The following MYSM1 variants were observed in gnomAD, a reference collection of about 807,000 sequenced individuals.
MYSM1 encodes deubiquitinase MYSM1.
A neutral mutation model predicts 116.0 loss-of-function variants in MYSM1; 51 were observed. The observed-to-expected ratio is 0.44, with a 90% CI of 0.35 to 0.56. The LOEUF is 0.56. MYSM1 is among the 20% of genes least tolerant of loss of function. The probability of loss-of-function intolerance (pLI) is 0.00; values close to 1 mark genes in which losing one functional copy is unlikely to be tolerated. For missense variants in MYSM1, 900 were observed against 974.9 expected, an observed-to-expected ratio of 0.92 and a Z score of 1.02; for synonymous variants, 313 against 315.2, an observed-to-expected ratio of 0.99 and a Z score of 0.07.
chr1:58,674,865 T>G (rs1042445937), intron 10 of MYSM1, among the ~76,000 whole-genome samples: 2 of 148,496 alleles, frequency 1.3e-5, no homozygotes, highest in African/African-American at 5.0e-5. Flanking sequence ...AGATGGAGCT[T>G]GCAGTGAGCC....
In MYSM1 at chr1:58,656,643, C is replaced by A. The variant is rs530792981; in HGVS notation, c.*3354G>T. 4 of 152,270 alleles carry A rather than the reference C, an allele frequency of 2.6e-5. No individual in the cohort carries two copies. The highest frequency in any genetic ancestry group is 2.0e-4 in the Admixed American group (3 of 15,290). The allele number at this position is 152,270 out of a possible 1,614,324, so 9.4% of individuals were successfully genotyped here. ...AAGTTCAAGTCTATAGATCTATAAC[C>A]GTGGAAACTGCAGTGCTCCTGGATG... On this transcript the variant is annotated 3_prime_UTR_variant, in exon 20 of 20. Coordinates refer to ENST00000472487, the MANE Select transcript of MYSM1 (RefSeq NM_001085487.3).
At position 58,682,289 on chromosome 1, in the gene MYSM1, C is replaced by T; in HGVS notation, c.755G>A (p.Ser252Asn). 3.1e-6 allele frequency: 5 copies of T among 1,611,454 alleles called. No homozygotes were observed. Among genetic ancestry groups the T allele is most frequent in the Non-Finnish European group, 4.2e-6 (5 of 1,178,054 alleles). ...SSDLLLDFPN[S>N]KMHETNQGEF... ...TCCTTGATTGGTTTCATGCATTTTA[C>T]TATTAGGAAAGTCTAACAAGAGATC... Residue 252 changes from serine to asparagine, a missense_variant, in exon 8 of 20, where the codon AGT (serine) becomes AAT (asparagine). By Grantham distance (46) the Ser-to-Asn change is conservative. Coordinates refer to ENST00000472487, the MANE Select transcript of MYSM1 (RefSeq NM_001085487.3).
chr1:58,660,147 C>T lies in MYSM1; in HGVS notation c.2337G>A (p.Glu779=), dbSNP rs763775941. 1 of 1,557,110 alleles carries T rather than the reference C, an allele frequency of 6.4e-7. No individual in the cohort carries two copies. Among genetic ancestry groups the T allele is most frequent in the Admixed American group, 2.1e-5 (1 of 47,866 alleles). ...SDLTCLQKLL[E]CMRKTLSKVT... ...CTTTGCTCAGAGTCTTCCTCATACA[C>T]TCCAAAAGCTAGTTGAAAAGAAAAG... is the stretch of plus-strand genomic sequence containing the variant. Residue 779 remains glutamate, a synonymous_variant, in exon 20 of 20, where the codon GAG becomes GAA. Coordinates refer to ENST00000472487, the MANE Select transcript of MYSM1 (RefSeq NM_001085487.3).
intron 9 of MYSM1, among the ~76,000 whole-genome samples, chr1:58,676,316 C>T (rs968837252): frequency 5.4e-5 from 8 of 149,098 alleles, no homozygotes; most frequent in Non-Finnish European, 8.9e-5. Flanking sequence ...CTCTGGAGAC[C>T]GAAGCAAAAG....
In MYSM1 at chr1:58,660,016, G is replaced by C. The variant is rs532808188; in HGVS notation, c.2468C>G (p.Thr823Arg). Reference protein sequence around the residue: ...QENGVTEENCTKELLM With the variant: ...QENGVTEENCRKELLM Reference sequence around the variant, plus strand: ...AAATAATCACATTAACAATTCCTTTGTACAGTTCTCTTCGGTTACTCCATT... The same window carrying C: ...AAATAATCACATTAACAATTCCTTTCTACAGTTCTCTTCGGTTACTCCATT... Residue 823 changes from threonine to arginine, a missense_variant, in exon 20 of 20, where the codon ACA (threonine) becomes AGA (arginine). Coordinates refer to ENST00000472487, the MANE Select transcript of MYSM1 (RefSeq NM_001085487.3). 1 of 1,595,414 alleles carries C rather than the reference G, an allele frequency of 6.3e-7. No homozygotes were observed. The highest frequency in any genetic ancestry group is 8.5e-7 in the Non-Finnish European group (1 of 1,170,626).
chr1:58,688,107 A>C (rs1644854954), intron 6 of MYSM1, among the ~76,000 whole-genome samples: 2 of 152,052 alleles, frequency 1.3e-5, no homozygotes, highest in Admixed American at 1.3e-4. Flanking sequence ...AAATATCAAT[A>C]TAAAAAAAAA....
At chr1:58,691,863 T>A (rs1376018997) in intron 3 of MYSM1, among the ~76,000 whole-genome samples, 1 of 152,074 alleles carries the variant, frequency 6.6e-6, no homozygotes, top group Non-Finnish European at 1.5e-5. Flanking sequence ...CGAGATTCCG[T>A]CTCAAAAAAC....
chr1:58,663,791 T>C (rs888915803), intron 17 of MYSM1, among the ~76,000 whole-genome samples: 1 of 152,204 alleles, frequency 6.6e-6, no homozygotes, highest in Admixed American at 6.5e-5. Flanking sequence ...TGGGGCTCTG[T>C]CTCACAAACT....
chr1:58,669,401 G>C (rs1644522314), intron 12 of MYSM1, among the ~76,000 whole-genome samples: 1 of 152,132 alleles, frequency 6.6e-6, no homozygotes, highest in Non-Finnish European at 1.5e-5. Context: ...AAAGATGGAA[G>C]TTTATCAAAA....
chr1:58,682,051 T>A lies in MYSM1; in HGVS notation c.993A>T (p.Ile331=). Residue 331 remains isoleucine, a synonymous_variant, in exon 8 of 20, where the codon ATA becomes ATT. Transcript: ENST00000472487. ...KNCNKHDGRG[I]IVDARQLPSP... The stretch of plus-strand genomic sequence containing the variant: ...AAGGCAACTGCCTGGCATCAACTAT[T>A]ATTCCCCTTCCATCATGCTTGTTGC... 1.2e-5 allele frequency: 19 copies of A among 1,614,162 alleles called. No homozygotes were observed. Among genetic ancestry groups the A allele is most frequent in the Non-Finnish European group, 1.4e-5 (16 of 1,180,020 alleles).
At position 58,700,033 on chromosome 1, in the gene MYSM1, T is replaced by A. The variant is rs1033445075; in HGVS notation, c.20A>T (p.Asp7Val). The A allele has an allele frequency of 9.2e-5, 149 of 1,613,350 alleles. No homozygotes were observed. The highest frequency in any genetic ancestry group is 1.2e-4 in the Non-Finnish European group (144 of 1,179,956). Residue 7 changes from aspartate to valine, a missense_variant, in exon 1 of 20, where the codon GAT (aspartate) becomes GTT (valine). Around this residue, in one of 3 missense-constraint regions of MYSM1, gnomAD observed 622 missense variants for 623.7 expected, o/e 1.00. Transcript: ENST00000472487. MAAEEA[D>V]VDIEGDVVAA... ...TACCACGTCCCCTTCGATATCCACA[T>A]CCGCCTCTTCAGCCGCCATGATGGG... is the stretch of plus-strand genomic sequence containing the variant.
At chr1:58,697,974 C>T (rs543459864) in intron 1 of MYSM1, among the ~76,000 whole-genome samples, 11 of 149,930 alleles carry the variant, frequency 7.3e-5, no homozygotes, top group South Asian at 6.4e-4. Context: ...TAATTCTCAA[C>T]GGTTTCACAG....
chr1:58,674,926 C>CAAAA (rs1223507192), intron 10 of MYSM1, among the ~76,000 whole-genome samples: 1 of 58,128 alleles, frequency 1.7e-5, no homozygotes, highest in Non-Finnish European at 3.7e-5. Flanking sequence ...GACTCTGTCT[C>CAAAA]AAAAAAAAAA....
At chr1:58,695,263 T>A in intron 1 of MYSM1, 56 bp from the exon 2 acceptor site, 1 of 1,106,436 alleles carries the variant, frequency 9.0e-7, no homozygotes, top group Non-Finnish European at 1.4e-6. Context: ...TTAATGAATG[T>A]AACTTACACA....
intron 7 of MYSM1, among the ~76,000 whole-genome samples, chr1:58,684,806 A>G (rs1488318764): frequency 6.6e-6 from 1 of 152,170 alleles, no homozygotes; most frequent in Non-Finnish European, 1.5e-5. Flanking sequence ...AAAAGTTTCT[A>G]CAACACAAAT....
chr1:58,677,729 A>G (rs12144224), intron 8 of MYSM1, among the ~76,000 whole-genome samples: 30,410 of 152,052 alleles, frequency 0.2, 3,171 homozygotes, highest in South Asian at 0.28. Context: ...GTAATAAAGA[A>G]CTTAGTAGAA....
At chr1:58,661,255 G>T in intron 18 of MYSM1, 28 bp from the exon 19 acceptor site, 2 of 1,576,246 alleles carry the variant, frequency 1.3e-6, no homozygotes, top group East Asian at 2.2e-5. Flanking sequence ...AAAACAAACT[G>T]GTGAAACGAA....
chr1:58,686,386 G>A (rs1644828319), intron 6 of MYSM1, among the ~76,000 whole-genome samples: 1 of 152,078 alleles, frequency 6.6e-6, no homozygotes, highest in African/African-American at 2.4e-5. Context: ...TCCTAAGGTA[G>A]CTAAATAATT....
At position 58,656,958 on chromosome 1, in the gene MYSM1, G is replaced by A. The variant is rs996851228; in HGVS notation, c.*3039C>T. On this transcript the variant is annotated 3_prime_UTR_variant, in exon 20 of 20. Coordinates refer to ENST00000472487, the MANE Select transcript of MYSM1 (RefSeq NM_001085487.3). ...CACTTTTAATTTTGTATGGAAGAAG[G>A]GGTCTAAGATGGCAAAACTATCTAG... 6.6e-6 allele frequency: 1 copy of A among 152,094 alleles called. No individual in the cohort carries two copies. Among genetic ancestry groups the A allele is most frequent in the Non-Finnish European group, 1.5e-5 (1 of 68,022 alleles). The allele number at this position is 152,094 out of a possible 1,614,324, so 9.4% of individuals were successfully genotyped here.
Sources: gnomAD v4.1 joint callset for allele counts (sites outside exome capture counted in the v4.1 genomes callset) on GRCh38, gnomAD v4.1.1 for gene constraint, gnomAD v4.1.1 regional missense constraint, MANE v1.5 for transcripts, NCBI Gene and HGNC (gene_info 2026-07-23, HGNC 2026-07-21) for gene names.